Variants in PATJ observed in about 807,000 individuals in gnomAD.
PATJ encodes inaD-like protein.
PATJ carries 190 observed loss-of-function variants against 224.9 expected under a neutral mutation model. The ratio of observed to expected loss-of-function variants is 0.84; its 90% CI spans 0.75 to 0.95. The LOEUF is 0.95. PATJ is among the 40% of genes least tolerant of loss of function. The pLI is 0.00. For synonymous variants in PATJ, 769 were observed against 820.3 expected, an observed-to-expected ratio of 0.94 and a Z score of 1.07; for missense variants, 2,121 against 2,270.3, an observed-to-expected ratio of 0.93 and a Z score of 1.34.
intron 33 of PATJ, among the ~76,000 whole-genome samples, chr1:62,106,158 G>GTGTATATATATATA (rs1356937495): frequency 2.9e-4 from 14 of 48,060 alleles, no homozygotes; most frequent in South Asian, 1.1e-3. Flanking sequence ...GTGTGTGTGT[G>GTGTATATATATATA]TATATATATA....
intron 41 of PATJ, among the ~76,000 whole-genome samples, chr1:62,141,371 C>T (rs765536046): frequency 6.6e-5 from 10 of 152,062 alleles, no homozygotes; most frequent in South Asian, 2.1e-4. Flanking sequence ...AGCACCACCA[C>T]GGCTGAATGT....
chr1:61,997,982 T>TTTTATATATATATATATATATATATA lies in PATJ; in HGVS notation c.3867+7619_3867+7620insTTATATATATATATATATATATATAT, dbSNP rs374175697. Among the ~76,000 whole-genome samples, 13 of 118,296 alleles carry TTTTATATATATATATATATATATATA rather than the reference T, an allele frequency of 1.1e-4. 1 individual carries two copies. Among genetic ancestry groups the TTTTATATATATATATATATATATATA allele is most frequent in the African/African-American group, 4.7e-4 (12 of 25,470 alleles). 77.6% of individuals were successfully genotyped at this position (118,296 alleles called of 152,430 possible). On this transcript the variant is annotated intron_variant, in intron 28 of 43. Coordinates refer to ENST00000642238, the MANE Select transcript of PATJ (RefSeq NM_001350145.3). ...ATAGGTGCATGCCACTGTGCCCAGC[T>TTTTATATATATATATATATATATATA]TATATATGTATATATAATATATTAT...
At chr1:61,978,826 T>C (rs1644291896) in intron 27 of PATJ, among the ~76,000 whole-genome samples, 1 of 152,070 alleles carries the variant, frequency 6.6e-6, no homozygotes, top group Non-Finnish European at 1.5e-5. Flanking sequence ...TTGTATTGAG[T>C]CATTATTCCA....
At chr1:62,064,189 T>C (rs1656016379) in intron 31 of PATJ, among the ~76,000 whole-genome samples, 2 of 152,182 alleles carry the variant, frequency 1.3e-5, no homozygotes, top group African/African-American at 4.8e-5. Context: ...CCTAGTTTGT[T>C]GAGGGTTTTT....
At chr1:61,813,336 T>TATATATAG (rs1389365873) in intron 14 of PATJ, among the ~76,000 whole-genome samples, 11 of 35,044 alleles carry the variant, frequency 3.1e-4, no homozygotes, top group South Asian at 2.1e-3. Flanking sequence ...GGAATGTACA[T>TATATATAG]ATATATATAT....
At chr1:61,904,894 C>T (rs949717413) in intron 24 of PATJ, among the ~76,000 whole-genome samples, 2 of 152,116 alleles carry the variant, frequency 1.3e-5, no homozygotes, top group Non-Finnish European at 2.9e-5. Context: ...GCATAATCTC[C>T]TTGAGGTTCA....
chr1:62,021,236 G>A (rs550905156), intron 29 of PATJ, among the ~76,000 whole-genome samples: 93 of 152,132 alleles, frequency 6.1e-4, no homozygotes, highest in Non-Finnish European at 1.0e-3. Context: ...TCTATTCCGT[G>A]TATCCTCACG....
chr1:61,959,287 T>C lies in PATJ; in HGVS notation c.3671-30881T>C, dbSNP rs2482883. On this transcript the variant is annotated intron_variant, in intron 27 of 43. Transcript: ENST00000642238. ...GATAATAAATATGTATAACATCTTATCTCCAAAAATTGGTTAAGCTACAAT... is the reference window on the plus strand; with the variant it reads ...GATAATAAATATGTATAACATCTTACCTCCAAAAATTGGTTAAGCTACAAT... Among the ~76,000 whole-genome samples, 661 of 151,524 alleles carry C rather than the reference T, an allele frequency of 4.4e-3. 3 individuals are homozygous for C. Among genetic ancestry groups the C allele is most frequent in the African/African-American group, 0.015 (632 of 41,340 alleles).
chr1:61,882,286 G>C (rs1257241266), intron 21 of PATJ, among the ~76,000 whole-genome samples: 1 of 152,158 alleles, frequency 6.6e-6, no homozygotes, highest in East Asian at 1.9e-4. Context: ...ACTGACACGT[G>C]AGTAAAGTAA....
chr1:61,842,380 G>A (rs919186654), intron 17 of PATJ, among the ~76,000 whole-genome samples: 1 of 152,208 alleles, frequency 6.6e-6, no homozygotes, highest in Non-Finnish European at 1.5e-5. Context: ...ATCCCATTGT[G>A]TCTAGTGGGG....
chr1:61,850,422 A>G (rs1052601611), intron 17 of PATJ, among the ~76,000 whole-genome samples: 2 of 152,220 alleles, frequency 1.3e-5, no homozygotes, highest in Non-Finnish European at 2.9e-5. Flanking sequence ...GTAACTGTAC[A>G]TTGAAATTTG....
chr1:62,160,613 T>C (rs1669752792), intron 43 of PATJ, among the ~76,000 whole-genome samples: 1 of 152,216 alleles, frequency 6.6e-6, no homozygotes. Flanking sequence ...CCAATTCCAT[T>C]TAATACTAAA....
chr1:61,907,933 A>G (rs997436836), intron 24 of PATJ, among the ~76,000 whole-genome samples: 6 of 152,206 alleles, frequency 3.9e-5, no homozygotes, highest in African/African-American at 1.4e-4. Context: ...GAAATGTTCA[A>G]CTACTCAATT....
intron 4 of PATJ, 34 bp from the exon 5 acceptor site, chr1:61,769,249 C>A: frequency 6.3e-7 from 1 of 1,592,978 alleles, no homozygotes; most frequent in South Asian, 1.1e-5. Context: ...TAAATGTACA[C>A]CATTGACTTT....
intron 41 of PATJ, among the ~76,000 whole-genome samples, chr1:62,146,051 G>A (rs1570803192): frequency 2.0e-5 from 3 of 152,166 alleles, no homozygotes; most frequent in East Asian, 1.9e-4. Context: ...GAGCTGGGAT[G>A]TTGGTGTGGA....
At chr1:61,776,179 C>T (rs1646903283) in intron 7 of PATJ, among the ~76,000 whole-genome samples, 1 of 152,350 alleles carries the variant, frequency 6.6e-6, no homozygotes, top group African/African-American at 2.4e-5. Flanking sequence ...TTCCTATCAT[C>T]ATTTCAGCTC....
At chr1:62,075,060 AG>A (rs1403879258) in intron 31 of PATJ, among the ~76,000 whole-genome samples, 2 of 152,222 alleles carry the variant, frequency 1.3e-5, no homozygotes, top group African/African-American at 4.8e-5. Context: ...TTTTAGAGCT[AG>A]GGCGAATCCT....
At chr1:61,857,028 C>T (rs1663794409) in intron 18 of PATJ, among the ~76,000 whole-genome samples, 1 of 152,186 alleles carries the variant, frequency 6.6e-6, no homozygotes, top group African/African-American at 2.4e-5. Flanking sequence ...ATGCTTTTCT[C>T]TCCATCAAAG....
At chr1:61,910,642 G>A (rs1389832047) in intron 25 of PATJ, among the ~76,000 whole-genome samples, 1 of 138,166 alleles carries the variant, frequency 7.2e-6, no homozygotes, top group African/African-American at 2.7e-5. Context: ...GATCTCCTTG[G>A]CTCAAGCAAT....
Sources: gnomAD v4.1 joint callset for allele counts (sites outside exome capture counted in the v4.1 genomes callset) on GRCh38, gnomAD v4.1.1 for gene constraint, MANE v1.5 for transcripts, NCBI Gene and HGNC (gene_info 2026-07-23, HGNC 2026-07-21) for gene names.